STAP1: variants seen among roughly 807,000 people sequenced by gnomAD.
STAP1 encodes the protein signal-transducing adaptor protein 1.
STAP1 carries 30 observed loss-of-function variants against 37.8 expected under a neutral mutation model. That is an observed-to-expected ratio of 0.79 (90% CI 0.59 to 1.08). The LOEUF (loss-of-function observed/expected upper bound fraction) is 1.08. STAP1 is among the 50% of genes least tolerant of loss of function. The pLI, the probability that STAP1 is intolerant of heterozygous loss-of-function variation, is 0.00. For synonymous variants in STAP1, 130 were observed against 116.0 expected, an observed-to-expected ratio of 1.12 and a Z score of -0.78; for missense variants, 357 against 349.4, an observed-to-expected ratio of 1.02 and a Z score of -0.17.
rs551636039 is a variant in STAP1, at chr4:67,606,629, C to A, written c.*272C>A. 3.7e-6 allele frequency: 1 copy of A among 271,478 alleles called. No individual in the cohort carries two copies. The highest frequency in any genetic ancestry group is 1.0e-3 in the Middle Eastern group (1 of 964). The allele number at this position is 271,478 out of a possible 1,614,324, so 16.8% of individuals were successfully genotyped here. A position where few individuals can be genotyped will look rare whatever the true frequency, so the allele number is the denominator to read the frequency against. ...TGACATAAGTTGAAAACACATAGTACTTTCTAGATGGAATTTTTTTCTTTA... is the reference window on the plus strand; with the variant it reads ...TGACATAAGTTGAAAACACATAGTAATTTCTAGATGGAATTTTTTTCTTTA... On this transcript the variant is annotated 3_prime_UTR_variant, in exon 9 of 9. Coordinates refer to ENST00000265404, the MANE Select transcript of STAP1 (RefSeq NM_012108.4).
intron 1 of STAP1, among the ~76,000 whole-genome samples, chr4:67,561,716 G>C (rs1213481621): frequency 2.0e-5 from 3 of 152,124 alleles, no homozygotes; most frequent in African/African-American, 7.2e-5. Context: ...GAATACCATT[G>C]GCATCGCAGT....
At chr4:67,601,682 C>A (rs965316226) in intron 8 of STAP1, among the ~76,000 whole-genome samples, 1 of 152,162 alleles carries the variant, frequency 6.6e-6, no homozygotes, top group South Asian at 2.1e-4. Context: ...GCTCCCCTGG[C>A]CTGTAAGGTT....
At chr4:67,591,038 A>G in intron 7 of STAP1, 85 bp downstream of exon 7, 3 of 959,178 alleles carry the variant, frequency 3.1e-6, no homozygotes, top group Non-Finnish European at 4.8e-6. Flanking sequence ...AGCCAAGTTA[A>G]GGAGCCCTGA....
At chr4:67,561,099 T>A (rs1383953441) in intron 1 of STAP1, among the ~76,000 whole-genome samples, 1 of 152,230 alleles carries the variant, frequency 6.6e-6, no homozygotes, top group Non-Finnish European at 1.5e-5. Context: ...TACCCTTTCA[T>A]CACTTATCAT....
chr4:67,605,085 A>G (rs898727711), intron 8 of STAP1, among the ~76,000 whole-genome samples: 9 of 152,136 alleles, frequency 5.9e-5, no homozygotes, highest in African/African-American at 9.7e-5. Context: ...CATACTCTCG[A>G]GCCGCCAAGG....
At chr4:67,600,321 CTT>C (rs1336410819) in intron 8 of STAP1, among the ~76,000 whole-genome samples, 1 of 152,040 alleles carries the variant, frequency 6.6e-6, no homozygotes. Flanking sequence ...CAAAGTTCCT[CTT>C]GTTACTGATT....
chr4:67,568,220 A>G (rs963033001), intron 1 of STAP1, among the ~76,000 whole-genome samples: 1 of 152,244 alleles, frequency 6.6e-6, no homozygotes, highest in Non-Finnish European at 1.5e-5. Context: ...GGATATGTTA[A>G]TATTGAAGAG....
chr4:67,582,302 T>G (rs187375179), intron 5 of STAP1, among the ~76,000 whole-genome samples: 25 of 104,642 alleles, frequency 2.4e-4, no homozygotes, highest in East Asian at 2.0e-3. Context: ...AACATTTTAG[T>G]TTTTTTTTTG....
chr4:67,585,286 C>T (rs1471358755), intron 6 of STAP1, among the ~76,000 whole-genome samples: 1 of 152,060 alleles, frequency 6.6e-6, no homozygotes, highest in East Asian at 1.9e-4. Context: ...ATCTACTAAT[C>T]CACCCCATAA....
At chr4:67,570,708 G>A (rs1309593416) in intron 1 of STAP1, among the ~76,000 whole-genome samples, 4 of 147,088 alleles carry the variant, frequency 2.7e-5, no homozygotes, top group South Asian at 4.4e-4. Context: ...AAGAAAGAAA[G>A]AGAAAGGAAG....
Position 67,590,973 on chromosome 4 carries a change from G to C in STAP1, c.729+20G>C, listed in dbSNP as rs1196304960. The C allele has an allele frequency of 5.6e-6, 9 of 1,596,552 alleles. No individual in the cohort carries two copies. The highest frequency in any genetic ancestry group is 7.7e-6 in the Non-Finnish European group (9 of 1,166,774). ...AAACCTGTAAGTAACTATTTTTGTT[G>C]TTGTTGATGAACTTCCTCCCGATTC... On this transcript the variant is annotated intron_variant, in intron 7 of 8. Transcript: ENST00000265404.
At chr4:67,570,354 G>C (rs1191726091) in intron 1 of STAP1, among the ~76,000 whole-genome samples, 1 of 152,156 alleles carries the variant, frequency 6.6e-6, no homozygotes, top group African/African-American at 2.4e-5. Context: ...CATGCATTGT[G>C]CTACAACATT....
rs190472676 is a variant in STAP1 at position 67,600,377 on chromosome 4, C to T, written c.827-5919C>T. Among the ~76,000 whole-genome samples the T allele has an allele frequency of 1.4e-3, 216 of 152,000 alleles. 1 individual carries two copies. Among genetic ancestry groups the T allele is most frequent in the African/African-American group, 5.0e-3 (208 of 41,440 alleles). ...TGGTTGGAGATGATGCTTGATATTA[C>T]TTCAATTTTTTTTTAATGTTTTAAA... On this transcript the variant is annotated intron_variant, in intron 8 of 8. Coordinates refer to ENST00000265404, the MANE Select transcript of STAP1 (RefSeq NM_012108.4).
chr4:67,590,573 A>G (rs1416395015), intron 6 of STAP1, among the ~76,000 whole-genome samples: 1 of 152,140 alleles, frequency 6.6e-6, no homozygotes. Context: ...GGTTACTGAC[A>G]TTAAAAGAAT....
intron 1 of STAP1, among the ~76,000 whole-genome samples, chr4:67,567,528 A>G (rs954042790): frequency 1.3e-5 from 2 of 152,196 alleles, no homozygotes; most frequent in Non-Finnish European, 2.9e-5. Flanking sequence ...TGCTCATCCT[A>G]TAAAGAGGCT....
At chr4:67,587,887 AT>A (rs924070141) in intron 6 of STAP1, among the ~76,000 whole-genome samples, 3 of 150,798 alleles carry the variant, frequency 2.0e-5, no homozygotes, top group Non-Finnish European at 1.5e-5. Context: ...CGCCTGGCTA[AT>A]TTTTTTTGTA....
At chr4:67,591,738 A>G (rs1420366747) in intron 7 of STAP1, among the ~76,000 whole-genome samples, 1 of 152,170 alleles carries the variant, frequency 6.6e-6, no homozygotes, top group Admixed American at 6.5e-5. Context: ...AAAAAGGAAC[A>G]GTGTGGTTGA....
intron 8 of STAP1, among the ~76,000 whole-genome samples, chr4:67,605,589 T>C (rs1728434412): frequency 6.6e-6 from 1 of 152,204 alleles, no homozygotes; most frequent in South Asian, 2.1e-4. Flanking sequence ...AGAAAGACTT[T>C]AAATAATTAG....
chr4:67,586,874 G>C (rs963559863), intron 6 of STAP1, among the ~76,000 whole-genome samples: 8 of 152,156 alleles, frequency 5.3e-5, no homozygotes, highest in Non-Finnish European at 8.8e-5. Flanking sequence ...AAAGCAAGAA[G>C]TATATTGGTT....
Sources: gnomAD v4.1 joint callset for allele counts (sites outside exome capture counted in the v4.1 genomes callset) on GRCh38, gnomAD v4.1.1 for gene constraint, MANE v1.5 for transcripts, NCBI Gene and HGNC (gene_info 2026-07-23, HGNC 2026-07-21) for gene names.